The following GPR157 variants were observed in gnomAD, a reference collection of about 807,000 sequenced individuals.
The protein encoded by GPR157 is G-protein coupled receptor 157.
GPR157 carries 16 observed loss-of-function variants against 23.5 expected under a neutral mutation model. The observed-to-expected ratio is 0.68, with a 90% confidence interval of 0.46 to 1.04. The LOEUF is 1.04. Among genes scored for constraint, GPR157 ranks in the 50% least tolerant of loss-of-function variants. The pLI is 0.00. For missense variants in GPR157, 440 were observed against 460.7 expected (o/e 0.96, Z 0.41); for synonymous variants, 200 against 221.5 (o/e 0.90, Z 0.86).
At chr1:9,122,815 G>A (rs1476738902) in intron 1 of GPR157, among the ~76,000 whole-genome samples, 1 of 152,022 alleles carries the variant, frequency 6.6e-6, no homozygotes, top group East Asian at 1.9e-4. Flanking sequence ...CAACATACAA[G>A]CCAAGATTTT....
At chr1:9,126,147 G>A (rs1392458153) in intron 1 of GPR157, among the ~76,000 whole-genome samples, 3 of 151,986 alleles carry the variant, frequency 2.0e-5, no homozygotes, top group Non-Finnish European at 2.9e-5. Context: ...TAGTAGAGAC[G>A]CGGTTTTGCC....
In GPR157 at chr1:9,128,989, C is replaced by T. The variant is rs1442957764; in HGVS notation, c.39G>A (p.Ser13=). ...PSPPPTELVP[S]ERAVVLLSCA... ...ACGACAGCAGCACCACGGCGCGCTCCGACGGCACCAGCTCGGTGGGCGGCG... is the reference window on the plus strand; with the variant it reads ...ACGACAGCAGCACCACGGCGCGCTCTGACGGCACCAGCTCGGTGGGCGGCG... Residue 13 remains serine, a synonymous_variant, in exon 1 of 4, where the codon TCG becomes TCA. Coordinates refer to ENST00000377411, the MANE Select transcript of GPR157 (RefSeq NM_024980.5). The surrounding 1 kb of genome is among the most constrained non-coding windows in gnomAD (Gnocchi z 6.3). 3 of 1,352,408 alleles carry T rather than the reference C, an allele frequency of 2.2e-6. No individual in the cohort carries two copies. The highest frequency in any genetic ancestry group is 1.9e-6 in the Non-Finnish European group (2 of 1,056,086). 83.8% of individuals were successfully genotyped at this position (1,352,408 alleles called of 1,614,324 possible).
chr1:9,106,059 G>A (rs1569948206), intron 2 of GPR157, among the ~76,000 whole-genome samples: 1 of 152,090 alleles, frequency 6.6e-6, no homozygotes, highest in East Asian at 1.9e-4. Flanking sequence ...AGCAAGTCCT[G>A]CAGCCCTCTT....
At chr1:9,109,953 TAC>T (rs1271848309) in intron 2 of GPR157, among the ~76,000 whole-genome samples, 1 of 151,142 alleles carries the variant, frequency 6.6e-6, no homozygotes, top group African/African-American at 2.4e-5. Context: ...ACAAGATGGG[TAC>T]ACACCCTCCT....
Position 9,123,339 on chromosome 1 carries a change from AAT to A in GPR157, c.383+5304_383+5305del, listed in dbSNP as rs1396600767. ...TATTAAAATATATATATTTAATTTA[AAT>A]ATATATATTTAATTTAAATATATAT... On this transcript the variant is annotated intron_variant, in intron 1 of 3. Coordinates refer to ENST00000377411, the MANE Select transcript of GPR157 (RefSeq NM_024980.5). Among the ~76,000 whole-genome samples, 47 of 25,368 alleles carry A rather than the reference AAT, an allele frequency of 1.9e-3. 1 individual carries two copies. The highest frequency in any genetic ancestry group is 7.1e-3 in the East Asian group (3 of 420). The allele number at this position is 25,368 out of a possible 152,430, so 16.6% of individuals were successfully genotyped here. A position where few individuals can be genotyped will look rare whatever the true frequency, so the allele number is the denominator to read the frequency against.
chr1:9,128,845 G>T lies in GPR157; in HGVS notation c.183C>A (p.Ala61=). ...GCAGCACTCCGTAGAAGTAGGAGGC[G>T]GCCGAGAGCAGGTCGGCCAGCGACA... ...LFLSLADLLS[A]ASYFYGVLQN... is the part of the protein sequence containing the mutation. The change falls in exon 1 of 4, where the codon GCC becomes GCA. Residue 61 remains alanine (A), a synonymous_variant. Transcript: ENST00000377411. This position sits in a 1 kb window ranked among gnomAD's most constrained non-coding sequence, Gnocchi z 6.3. 1 of 1,598,914 alleles carries T rather than the reference G, an allele frequency of 6.3e-7. No individual in the cohort carries two copies. Among genetic ancestry groups the T allele is most frequent in the Non-Finnish European group, 8.5e-7 (1 of 1,173,546 alleles).
At chr1:9,123,362 T>C (rs377612614) in intron 1 of GPR157, among the ~76,000 whole-genome samples, 5 of 34,458 alleles carry the variant, frequency 1.5e-4, no homozygotes, top group Non-Finnish European at 2.9e-4. Context: ...AATTTAAATA[T>C]ATATTTAAAT....
rs749326372 is a variant in GPR157 at position 9,128,631 on chromosome 1, C to A, written c.383+14G>T. ...GTCGGGGGCTCCTGGAAAAGCAGCG[C>A]CACCGCCACCCACCTGACGACATGG... On this transcript the variant is annotated intron_variant, in intron 1 of 3. Coordinates refer to ENST00000377411, the MANE Select transcript of GPR157 (RefSeq NM_024980.5). This position sits in a 1 kb window ranked among gnomAD's most constrained non-coding sequence, Gnocchi z 6.3. The A allele has an allele frequency of 6.2e-7, 1 of 1,611,602 alleles. No individual in the cohort carries two copies. Among genetic ancestry groups the A allele is most frequent in the South Asian group, 1.1e-5 (1 of 91,016 alleles).
rs984693066 is a variant in GPR157 at position 9,118,067 on chromosome 1, A to T, written c.384-6578T>A. 6.6e-6 allele frequency among the ~76,000 whole-genome samples: 1 copy of T among 152,232 alleles called. No homozygotes were observed. On this transcript the variant is annotated intron_variant, in intron 1 of 3. Coordinates refer to ENST00000377411, the MANE Select transcript of GPR157 (RefSeq NM_024980.5). The surrounding 1 kb of genome is among the most constrained non-coding windows in gnomAD (Gnocchi z 4.6). ...GCCTGTGAGTGGACATCTGCAGCTC[A>T]CATTCTAAACCTGAGACTGACAAGC... is the stretch of plus-strand genomic sequence containing the variant.
Position 9,105,595 on chromosome 1 carries a change from A to C in GPR157, c.683T>G (p.Val228Gly). 1 of 1,611,776 alleles carries C rather than the reference A, an allele frequency of 6.2e-7. No homozygotes were observed. Among genetic ancestry groups the C allele is most frequent in the Non-Finnish European group, 8.5e-7 (1 of 1,179,278 alleles). Residue 228 changes from valine to glycine, a missense_variant, in exon 3 of 4, where the codon GTG becomes GGG. By Grantham distance (109) the Val-to-Gly change is moderately radical. Transcript: ENST00000377411. The surrounding 1 kb of genome is among the most constrained non-coding windows in gnomAD (Gnocchi z 4.8). Reference protein sequence around the residue: ...RHSSMADKKLVLIPLIFIGLR... With the variant: ...RHSSMADKKLGLIPLIFIGLR... ...GCCGATGAAGATGAGCGGGATGAGC[A>C]CCAGCTTCTTGTCCGCCATGGAGGA...
Position 9,128,279 on chromosome 1 carries a change from C to T in GPR157, c.383+366G>A. On this transcript the variant is annotated intron_variant, in intron 1 of 3. Coordinates refer to ENST00000377411, the MANE Select transcript of GPR157 (RefSeq NM_024980.5). The surrounding 1 kb of genome is among the most constrained non-coding windows in gnomAD (Gnocchi z 6.3). ...CCCGGGACAGTTACCTAACTCGTCT[C>T]CCAGCCTGTTTCCCCATGGGCAGCA... 1.9e-6 allele frequency: 1 copy of T among 526,294 alleles called. No individual in the cohort carries two copies. Among genetic ancestry groups the T allele is most frequent in the Non-Finnish European group, 3.7e-6 (1 of 272,808 alleles). The allele number at this position is 526,294 out of a possible 1,614,324, so 32.6% of individuals were successfully genotyped here. A position where few individuals can be genotyped will look rare whatever the true frequency, so the allele number is the denominator to read the frequency against.
intron 1 of GPR157, among the ~76,000 whole-genome samples, chr1:9,126,968 C>T (rs1394785631): frequency 6.6e-6 from 1 of 151,820 alleles, no homozygotes; most frequent in African/African-American, 2.4e-5. Flanking sequence ...TCACTACAGC[C>T]TCGACCTCCC....
intron 1 of GPR157, among the ~76,000 whole-genome samples, chr1:9,111,783 A>G (rs1638504132): frequency 1.3e-5 from 2 of 152,160 alleles, no homozygotes; most frequent in Admixed American, 1.3e-4. Flanking sequence ...CAGGCTGGCC[A>G]ACATGGTGAA....
chr1:9,122,437 C>T (rs1040406834), intron 1 of GPR157, among the ~76,000 whole-genome samples: 1 of 152,150 alleles, frequency 6.6e-6, no homozygotes. Context: ...GATAGGCTTT[C>T]GAGCCACCGT....
chr1:9,111,594 T>G, intron 1 of GPR157, 105 bp from the exon 2 acceptor site: 1 of 856,128 alleles, frequency 1.2e-6, no homozygotes, highest in South Asian at 1.6e-5. Flanking sequence ...GGGGATGCTC[T>G]CCAGAGCCTG....
At position 9,104,511 on chromosome 1, in the gene GPR157, T is replaced by A. The variant is rs1460868966; in HGVS notation, c.916A>T (p.Ser306Cys). ...GGAGCCTTGGGAGTGCCAGCCGGGCTCTTGGTGGGAGGCTGAGAAGAGCAG... is the reference window on the plus strand; with the variant it reads ...GGAGCCTTGGGAGTGCCAGCCGGGCACTTGGTGGGAGGCTGAGAAGAGCAG... ...CCCSSQPPTK[S>C]PAGTPKAPAP... Residue 306 changes from serine to cysteine, a missense_variant, in exon 4 of 4, where the codon AGC becomes TGC. Physicochemically the swap from Ser to Cys is moderately radical, Grantham distance 112. Transcript: ENST00000377411. The A allele has an allele frequency of 6.2e-7, 1 of 1,613,426 alleles. No homozygotes were observed. The highest frequency in any genetic ancestry group is 8.5e-7 in the Non-Finnish European group (1 of 1,179,936).
chr1:9,126,532 A>T (rs973068745), intron 1 of GPR157, among the ~76,000 whole-genome samples: 4 of 152,220 alleles, frequency 2.6e-5, no homozygotes, highest in Non-Finnish European at 4.4e-5. Flanking sequence ...ACTGAATTCC[A>T]GTAGTATGAA....
At chr1:9,127,131 G>C (rs2124533791) in intron 1 of GPR157, among the ~76,000 whole-genome samples, 1 of 151,946 alleles carries the variant, frequency 6.6e-6, no homozygotes, top group South Asian at 2.1e-4. Context: ...CTCCTGCCTC[G>C]GCCTCCCAAA....
At position 9,120,599 on chromosome 1, in the gene GPR157, G is replaced by A. The variant is rs1638778286; in HGVS notation, c.383+8046C>T. ...GCAGAAGGGTCAGGACTTGGGAGAA[G>A]TTCAGGGAGTCAGCCCCTAGGCCAG... On this transcript the variant is annotated intron_variant, in intron 1 of 3. Coordinates refer to ENST00000377411, the MANE Select transcript of GPR157 (RefSeq NM_024980.5). The surrounding 1 kb of genome is among the most constrained non-coding windows in gnomAD (Gnocchi z 4.1). Among the ~76,000 whole-genome samples, 1 of 152,212 alleles carries A rather than the reference G, an allele frequency of 6.6e-6. No homozygotes were observed. The highest frequency in any genetic ancestry group is 6.5e-5 in the Admixed American group (1 of 15,280).
Sources: gnomAD v4.1 joint callset for allele counts (sites outside exome capture counted in the v4.1 genomes callset) on GRCh38, gnomAD v4.1.1 for gene constraint, Gnocchi (gnomAD v3.1) non-coding constraint, MANE v1.5 for transcripts, NCBI Gene and HGNC (gene_info 2026-07-23, HGNC 2026-07-21) for gene names.